COLGALT2: variants seen among roughly 807,000 people sequenced by gnomAD.
COLGALT2 encodes the protein collagen beta(1-O)galactosyltransferase 2.
In COLGALT2, 49 loss-of-function variants were observed where a neutral mutation model predicts 73.4. The observed-to-expected ratio is 0.67, with a 90% CI of 0.53 to 0.85. The LOEUF is 0.85. Ranked by LOEUF, COLGALT2 falls within the 40% of genes least tolerant of loss-of-function variation. The pLI is 0.00. For synonymous variants in COLGALT2, 295 were observed against 307.6 expected, an observed-to-expected ratio of 0.96 and a Z score of 0.43; for missense variants, 722 against 790.2, an observed-to-expected ratio of 0.91 and a Z score of 1.03.
chr1:184,018,468 G>C (rs983013772), intron 1 of COLGALT2, among the ~76,000 whole-genome samples: 1 of 152,078 alleles, frequency 6.6e-6, no homozygotes, highest in Non-Finnish European at 1.5e-5. Flanking sequence ...TTCCTAGGAA[G>C]CACATAAAGA....
chr1:183,951,385 T>C (rs757080839), intron 7 of COLGALT2, among the ~76,000 whole-genome samples: 15 of 152,196 alleles, frequency 9.9e-5, no homozygotes, highest in Non-Finnish European at 1.6e-4. Flanking sequence ...TCTCTTGAAA[T>C]AGGAAAGTTT....
intron 2 of COLGALT2, among the ~76,000 whole-genome samples, chr1:183,977,268 G>A (rs761030662): frequency 1.3e-5 from 2 of 150,838 alleles, no homozygotes; most frequent in Non-Finnish European, 3.0e-5. Context: ...TCAGGAGATC[G>A]AGACCATCCT....
At chr1:183,943,069 G>A (rs1013084253) in intron 10 of COLGALT2, among the ~76,000 whole-genome samples, 10 of 152,240 alleles carry the variant, frequency 6.6e-5, no homozygotes, top group Admixed American at 5.2e-4. Context: ...GGAGGATATA[G>A]GAAGAAACAG....
rs1406044271 is a variant in COLGALT2 at position 184,033,156 on chromosome 1, G to T, written c.263+3939C>A. Among the ~76,000 whole-genome samples the T allele has an allele frequency of 2.6e-5, 4 of 152,320 alleles. No individual in the cohort carries two copies. The East Asian group carries it at 7.7e-4, about 29-fold the overall frequency. ...ACAAGCAACAGCAGGCTCTCCAAAA[G>T]AAAAACTTAATGTTTCATTTGGGGC... is the stretch of plus-strand genomic sequence containing the variant. On this transcript the variant is annotated intron_variant, in intron 1 of 11. Transcript: ENST00000361927.
intron 2 of COLGALT2, among the ~76,000 whole-genome samples, chr1:183,977,572 G>A (rs1425357257): frequency 6.6e-6 from 1 of 152,056 alleles, no homozygotes; most frequent in Non-Finnish European, 1.5e-5. Context: ...GATCGCTTGA[G>A]GCCAGGAGTT....
At chr1:183,964,120 A>G in intron 5 of COLGALT2, 100 bp from the exon 6 acceptor site, 1 of 1,303,574 alleles carries the variant, frequency 7.7e-7, no homozygotes, top group Non-Finnish European at 1.1e-6. Context: ...GCTGAGTTTG[A>G]CACTGCAATT....
intron 1 of COLGALT2, among the ~76,000 whole-genome samples, chr1:184,008,356 G>A (rs1279593783): frequency 6.6e-6 from 1 of 152,122 alleles, no homozygotes; most frequent in Non-Finnish European, 1.5e-5. Context: ...ATTTTAGACT[G>A]GATCTTGTTT....
intron 8 of COLGALT2, among the ~76,000 whole-genome samples, chr1:183,949,196 C>A (rs746658364): frequency 1.9e-4 from 29 of 152,132 alleles, no homozygotes; most frequent in Non-Finnish European, 3.8e-4. Flanking sequence ...CTATCAAAAT[C>A]CCAGCTGCCG....
rs1195565893 is a variant in COLGALT2, at chr1:183,940,772, C to T, written c.1413G>A (p.Lys471=). ...LDWELIYIGR[K]RMQVKEPEKA... is the part of the protein sequence containing the mutation. The stretch of plus-strand genomic sequence containing the variant: ...TCTCTGGCTCCTTTACTTGCATCCT[C>T]TTCCTACCAATATAACTGTAAGGAA... Residue 471 remains lysine, a synonymous_variant, in exon 11 of 12, where the codon AAG becomes AAA. Transcript: ENST00000361927. 1 of 1,614,200 alleles carries T rather than the reference C, an allele frequency of 6.2e-7. No homozygotes were observed.
intron 1 of COLGALT2, among the ~76,000 whole-genome samples, chr1:183,979,968 T>C (rs191803068): frequency 4.7e-4 from 72 of 151,760 alleles, no homozygotes; most frequent in African/African-American, 1.7e-3. Flanking sequence ...TAAAATAAAA[T>C]CCCCCAAATC....
chr1:183,970,497 G>A (rs1671007747), intron 4 of COLGALT2, among the ~76,000 whole-genome samples: 1 of 152,192 alleles, frequency 6.6e-6, no homozygotes, highest in African/African-American at 2.4e-5. Flanking sequence ...AGGTGCTACA[G>A]CCTCACCTAC....
intron 1 of COLGALT2, among the ~76,000 whole-genome samples, chr1:183,981,797 A>G (rs1233149392): frequency 6.6e-6 from 1 of 152,204 alleles, no homozygotes; most frequent in Non-Finnish European, 1.5e-5. Context: ...TCTTTAAGAG[A>G]GGGAATGTTC....
chr1:183,933,295 C>A (rs980912213), downstream of COLGALT2, among the ~76,000 whole-genome samples: 1 of 152,136 alleles, frequency 6.6e-6, no homozygotes, highest in African/African-American at 2.4e-5. Flanking sequence ...CCAGACTGTG[C>A]TCTGAGCACC....
chr1:183,954,140 A>T (rs1670487935), intron 7 of COLGALT2, among the ~76,000 whole-genome samples: 1 of 152,232 alleles, frequency 6.6e-6, no homozygotes. Flanking sequence ...TCTGTTACGC[A>T]TATTACCAGG....
chr1:183,969,042 A>G (rs1398482714), intron 5 of COLGALT2, among the ~76,000 whole-genome samples: 1 of 151,734 alleles, frequency 6.6e-6, no homozygotes, highest in African/African-American at 2.4e-5. Context: ...AGTCCCTCCA[A>G]CTCAAAATAG....
In COLGALT2 at chr1:183,944,251, T is replaced by G; in HGVS notation, c.1342A>C (p.Lys448Gln). 6.2e-7 allele frequency: 1 copy of G among 1,614,044 alleles called. No individual in the cohort carries two copies. The highest frequency in any genetic ancestry group is 2.2e-5 in the East Asian group (1 of 44,886). Reference sequence around the variant, plus strand: ...ATGTTATCCATCAGCTTCATCAGCTTCTTCTTAAACTGATGCTCAAAACGC... The same window carrying G: ...ATGTTATCCATCAGCTTCATCAGCTGCTTCTTAAACTGATGCTCAAAACGC... ...DVRFEHQFKK[K>Q]LMKLMDNIDQ... The change falls in exon 10 of 12, where the codon AAG becomes CAG. Residue 448 changes from lysine (K) to glutamine (Q), a missense_variant. Transcript: ENST00000361927.
chr1:184,018,780 A>G (rs1483113377), intron 1 of COLGALT2, among the ~76,000 whole-genome samples: 1 of 152,202 alleles, frequency 6.6e-6, no homozygotes, highest in Non-Finnish European at 1.5e-5. Context: ...AAAGTCATAA[A>G]TTAGTATGCT....
chr1:183,980,066 A>T (rs1265085988), intron 1 of COLGALT2, among the ~76,000 whole-genome samples: 1 of 152,058 alleles, frequency 6.6e-6, no homozygotes, highest in Admixed American at 6.5e-5. Flanking sequence ...GAACTTCCAA[A>T]AATTAATAAT....
intron 1 of COLGALT2, among the ~76,000 whole-genome samples, chr1:184,026,618 C>T (rs2102858903): frequency 6.6e-6 from 1 of 152,230 alleles, no homozygotes; most frequent in South Asian, 2.1e-4. Flanking sequence ...AGTGAAGACA[C>T]CAGGGTTAGG....
Sources: allele counts gnomAD v4.1 joint callset (sites outside exome capture counted in the v4.1 genomes callset), GRCh38; gene constraint gnomAD v4.1.1; transcripts MANE v1.5; gene names NCBI Gene and HGNC (gene_info 2026-07-23, HGNC 2026-07-21).